VPS53: variants seen among roughly 807,000 people sequenced by gnomAD.
VPS53 encodes the protein vacuolar protein sorting-associated protein 53 homolog.
VPS53 carries 70 observed loss-of-function variants against 107.0 expected under a neutral mutation model. The observed-to-expected ratio is 0.65, with a 90% CI of 0.54 to 0.80. VPS53 has a LOEUF of 0.80. Ranked by LOEUF, VPS53 falls within the 30% of genes least tolerant of loss-of-function variation. The probability of loss-of-function intolerance (pLI) is 0.00; values close to 1 mark genes in which losing one functional copy is unlikely to be tolerated. For synonymous variants in VPS53, 409 were observed against 393.3 expected (o/e 1.04, Z -0.47); for missense variants, 917 against 1,049.4 (o/e 0.87, Z 1.74).
intron 4 of VPS53, among the ~76,000 whole-genome samples, chr17:685,717 G>C (rs1218819044): frequency 1.3e-5 from 2 of 152,068 alleles, no homozygotes; most frequent in East Asian, 3.9e-4. Flanking sequence ...GAAAAATCTG[G>C]AAACAGGTGT....
chr17:574,378 G>C (rs1914429555), intron 13 of VPS53, among the ~76,000 whole-genome samples: 1 of 152,184 alleles, frequency 6.6e-6, no homozygotes, highest in Non-Finnish European at 1.5e-5. Context: ...TGTGAAAAGA[G>C]TGGATGCCAG....
At chr17:657,583 TC>T in intron 5 of VPS53, 1 of 843,976 alleles carries the variant, frequency 1.2e-6, no homozygotes, top group Non-Finnish European at 2.0e-6. Flanking sequence ...ACCTTTGTCT[TC>T]CGGTGCACAT....
At chr17:674,332 C>T (rs921113460) in intron 4 of VPS53, 1 of 152,214 alleles carries the variant, frequency 6.6e-6, no homozygotes, top group African/African-American at 2.4e-5. Context: ...CCATATCTTA[C>T]TATTACTTCT....
chr17:634,870 C>T (rs538255669), intron 7 of VPS53, among the ~76,000 whole-genome samples: 4 of 146,586 alleles, frequency 2.7e-5, no homozygotes, highest in Admixed American at 2.7e-4. Flanking sequence ...GTGCATGTGT[C>T]TTTATAGCAG....
intron 12 of VPS53, among the ~76,000 whole-genome samples, chr17:592,814 C>T (rs1967736335): frequency 6.6e-6 from 1 of 152,122 alleles, no homozygotes; most frequent in African/African-American, 2.4e-5. Context: ...CTGGCTGCCC[C>T]TGACATTTTT....
chr17:553,433 A>T lies in VPS53; in HGVS notation c.1734T>A (p.Asp578Glu). ...GATTGATTCGTTCAATCAGACTTACATCCACTTTTTCTTTGAGTTTTTCTT... is the reference window on the plus strand; with the variant it reads ...GATTGATTCGTTCAATCAGACTTACTTCCACTTTTTCTTTGAGTTTTTCTT... ...QLEEKLKEKV[D>E]VSLIERINLT... The change falls in exon 16 of 22, where the codon GAT becomes GAA. Residue 578 changes from aspartate (D) to glutamate (E), a missense_variant. By Grantham distance (45) the Asp-to-Glu change is conservative. Transcript: ENST00000437048. The T allele has an allele frequency of 6.2e-7, 1 of 1,614,148 alleles. No individual in the cohort carries two copies. The highest frequency in any genetic ancestry group is 8.5e-7 in the Non-Finnish European group (1 of 1,180,038).
At chr17:671,567 T>C (rs930273880) in intron 4 of VPS53, among the ~76,000 whole-genome samples, 1 of 152,142 alleles carries the variant, frequency 6.6e-6, no homozygotes, top group Non-Finnish European at 1.5e-5. Context: ...TAGTAAGGAA[T>C]GTGAGAGTAG....
intron 13 of VPS53, among the ~76,000 whole-genome samples, chr17:574,876 G>T (rs1374173982): frequency 2.0e-5 from 3 of 152,320 alleles, no homozygotes; most frequent in Admixed American, 6.5e-5. Flanking sequence ...ATCCAGGGGG[G>T]TTCCTCAAAG....
chr17:615,980 C>A lies in VPS53; in HGVS notation c.1116+7553G>T, dbSNP rs146994057. 1.8e-3 allele frequency: 279 copies of A among 152,400 alleles called. 1 individual carries two copies. Among genetic ancestry groups the A allele is most frequent in the African/African-American group, 6.4e-3 (268 of 41,562 alleles). The allele number at this position is 152,400 out of a possible 1,614,324, so 9.4% of individuals were successfully genotyped here. Reference sequence around the variant, plus strand: ...GGTGAAGAAGGTCGTGCACGGCCCACAATGAGATGATGGTGGGGACCAGGC... The same window carrying A: ...GGTGAAGAAGGTCGTGCACGGCCCAAAATGAGATGATGGTGGGGACCAGGC... On this transcript the variant is annotated intron_variant, in intron 11 of 21. Transcript: ENST00000437048.
At chr17:684,980 TTC>T (rs1303733362) in intron 4 of VPS53, 1 of 151,948 alleles carries the variant, frequency 6.6e-6, no homozygotes, top group East Asian at 1.9e-4. Context: ...AAGAGCTAGA[TTC>T]TGTTTCCAAA....
intron 2 of VPS53, among the ~76,000 whole-genome samples, chr17:703,802 CTTT>C (rs869170409): frequency 2.8e-5 from 4 of 141,078 alleles, no homozygotes; most frequent in Admixed American, 7.2e-5. Flanking sequence ...AATTTGGCAT[CTTT>C]TTTTTTTTTT....
chr17:558,749 G>A (rs1221344362), intron 15 of VPS53, among the ~76,000 whole-genome samples: 2 of 151,920 alleles, frequency 1.3e-5, no homozygotes, highest in South Asian at 4.1e-4. Flanking sequence ...ACTTTGGGAG[G>A]CCAAGGCAGG....
Position 562,759 on chromosome 17 carries a change from A to AC in VPS53, c.1314-15_1314-14insG. 2 of 1,587,780 alleles carry AC rather than the reference A, an allele frequency of 1.3e-6. No homozygotes were observed. Among genetic ancestry groups the AC allele is most frequent in the Non-Finnish European group, 1.7e-6 (2 of 1,169,060 alleles). ...TCTCCGAGGTTCCTAGGAGGAAAAAAAAAAACCAAAAATGTTATTTTACTT... is the reference window on the plus strand; with the variant it reads ...TCTCCGAGGTTCCTAGGAGGAAAAAACAAAAACCAAAAATGTTATTTTACTT... On this transcript the variant is annotated splice_polypyrimidine_tract_variant and intron_variant, in intron 13 of 21. Transcript: ENST00000437048.
rs1441326408 is a variant in VPS53 at position 562,723 on chromosome 17, G to A, written c.1336C>T (p.Arg446Trp). The A allele has an allele frequency of 3.7e-6, 6 of 1,611,408 alleles. No individual in the cohort carries two copies. Among genetic ancestry groups the A allele is most frequent in the East Asian group, 4.5e-5 (2 of 44,812 alleles). Reference protein sequence around the residue: ...QDKNLGELIDRFVADFKAQGP... With the variant: ...QDKNLGELIDWFVADFKAQGP... ...TGGGCTTTGAAATCAGCCACAAACC[G>A]ATCTATCAGCTCTCCGAGGTTCCTA... The change falls in exon 14 of 22, where the codon CGG (arginine) becomes TGG (tryptophan). Residue 446 changes from arginine to tryptophan, a missense_variant. Coordinates refer to ENST00000437048, the MANE Select transcript of VPS53 (RefSeq NM_001128159.3).
chr17:572,039 G>A (rs1266893145), intron 13 of VPS53, among the ~76,000 whole-genome samples: 1 of 149,620 alleles, frequency 6.7e-6, no homozygotes, highest in Admixed American at 6.6e-5. Flanking sequence ...CTGCCTGGCT[G>A]CCCAGTCCGG....
rs964863700 is a variant in VPS53, at chr17:586,180, GC to G, written c.1313+89del. 1.3e-5 allele frequency: 15 copies of G among 1,183,432 alleles called. No individual in the cohort carries two copies. In the African/African-American group the frequency reaches 2.3e-4, roughly 18 times the overall value. 73.3% of individuals were successfully genotyped at this position (1,183,432 alleles called of 1,614,324 possible). ...ACAGGCATGCCACAACCATCTTTCA[GC>G]CCCGGAAGGAGCTGTGCGCTCCTAA... On this transcript the variant is annotated intron_variant, in intron 13 of 21. Transcript: ENST00000437048.
intron 4 of VPS53, among the ~76,000 whole-genome samples, chr17:673,487 A>G (rs780011481): frequency 9.2e-5 from 14 of 152,228 alleles, no homozygotes; most frequent in South Asian, 2.1e-4. Flanking sequence ...CAGCAATGCC[A>G]ACAACGCAGC....
rs1305236089 is a variant in VPS53, at chr17:611,185, T to C, written c.1117-9289A>G. Among the ~76,000 whole-genome samples, 4 of 152,118 alleles carry C rather than the reference T, an allele frequency of 2.6e-5. No individual in the cohort carries two copies. In the East Asian group the frequency reaches 7.7e-4, roughly 29 times the overall value. Reference sequence around the variant, plus strand: ...CCCGCCACCACGCCTGGCTAAGTTTTGTATTTTTAGTACAGACGGGGTTTC... The same window carrying C: ...CCCGCCACCACGCCTGGCTAAGTTTCGTATTTTTAGTACAGACGGGGTTTC... On this transcript the variant is annotated intron_variant, in intron 11 of 21. Transcript: ENST00000437048.
chr17:652,361 A>G (rs542499824), intron 7 of VPS53, among the ~76,000 whole-genome samples: 1 of 152,270 alleles, frequency 6.6e-6, no homozygotes, highest in East Asian at 1.9e-4. Context: ...TTTTGTAACA[A>G]TGTGACTTTG....
Sources: gnomAD v4.1 joint callset for allele counts (sites outside exome capture counted in the v4.1 genomes callset) on GRCh38, gnomAD v4.1.1 for gene constraint, MANE v1.5 for transcripts, NCBI Gene and HGNC (gene_info 2026-07-23, HGNC 2026-07-21) for gene names.